TRAPPC9: variants seen among roughly 807,000 people sequenced by gnomAD.
TRAPPC9 encodes IKK2 binding protein.
Under a neutral mutation model 124.0 loss-of-function variants are expected in TRAPPC9, and 83 were observed. That is an observed-to-expected ratio of 0.67 (90% CI 0.56 to 0.80). The LOEUF is 0.80. Ranked by LOEUF, TRAPPC9 falls within the 30% of genes least tolerant of loss-of-function variation. The probability of loss-of-function intolerance (pLI) is 0.00; values close to 1 mark genes in which losing one functional copy is unlikely to be tolerated. For synonymous variants in TRAPPC9, 638 were observed against 617.5 expected, an observed-to-expected ratio of 1.03 and a Z score of -0.49; for missense variants, 1,302 against 1,508.3, an observed-to-expected ratio of 0.86 and a Z score of 2.27.
intron 17 of TRAPPC9, among the ~76,000 whole-genome samples, chr8:140,170,893 G>A (rs570093656): frequency 1.1e-4 from 16 of 152,288 alleles, no homozygotes; most frequent in South Asian, 4.1e-4. Context: ...CAAGAACCTC[G>A]GGCAGGTGAC....
At chr8:140,077,108 G>A (rs1171867540) in intron 17 of TRAPPC9, among the ~76,000 whole-genome samples, 2 of 152,146 alleles carry the variant, frequency 1.3e-5, no homozygotes, top group African/African-American at 4.8e-5. Context: ...AAAGGATACA[G>A]TGAGCCTAGA....
At chr8:139,844,107 G>A (rs566242522) in intron 21 of TRAPPC9, among the ~76,000 whole-genome samples, 7 of 152,188 alleles carry the variant, frequency 4.6e-5, no homozygotes, top group Non-Finnish European at 7.3e-5. Flanking sequence ...AGGCGAGCAG[G>A]TGACTATGCT....
intron 21 of TRAPPC9, among the ~76,000 whole-genome samples, chr8:139,783,775 A>G (rs116090735): frequency 0.022 from 3,305 of 152,338 alleles, 105 homozygotes; most frequent in African/African-American, 0.075. Context: ...AATCCAACAT[A>G]TATGAAAACA....
rs558078096 is a variant in TRAPPC9, at chr8:140,091,175, T to G, written c.2557-67096A>C. ...CATCTGAAGCCCCACGACTCGGAGGTGGCAGCCTGGCCCCATGCATGTCGC... is the reference window on the plus strand; with the variant it reads ...CATCTGAAGCCCCACGACTCGGAGGGGGCAGCCTGGCCCCATGCATGTCGC... On this transcript the variant is annotated intron_variant, in intron 17 of 22. Transcript: ENST00000438773. Among the ~76,000 whole-genome samples, 3 of 152,066 alleles carry G rather than the reference T, an allele frequency of 2.0e-5. No individual in the cohort carries two copies. In the East Asian group the frequency reaches 5.8e-4, roughly 29 times the overall value.
intron 4 of TRAPPC9, among the ~76,000 whole-genome samples, chr8:140,428,980 A>G (rs2132564545): frequency 6.6e-6 from 1 of 152,234 alleles, no homozygotes; most frequent in Non-Finnish European, 1.5e-5. Flanking sequence ...AGATGTATAC[A>G]TGGAACTGTA....
intron 15 of TRAPPC9, among the ~76,000 whole-genome samples, chr8:140,261,570 C>T (rs189977507): frequency 6.6e-6 from 1 of 152,332 alleles, no homozygotes; most frequent in Admixed American, 6.5e-5. Context: ...GTCCTAGTAG[C>T]TGGAAGTAAA....
intron 10 of TRAPPC9, among the ~76,000 whole-genome samples, chr8:140,303,462 A>T (rs1288368028): frequency 6.6e-6 from 1 of 152,202 alleles, no homozygotes; most frequent in African/African-American, 2.4e-5. Context: ...ACACTGTATC[A>T]TTTTTGCAGA....
At chr8:140,202,362 C>T (rs181831818) in intron 17 of TRAPPC9, among the ~76,000 whole-genome samples, 69 of 152,254 alleles carry the variant, frequency 4.5e-4, no homozygotes, top group Non-Finnish European at 8.1e-4. Flanking sequence ...AACCCAACTT[C>T]TCAACTTCTG....
rs1451364779 is a variant in TRAPPC9, at chr8:140,216,166, G to C, written c.2556+5293C>G. 6.6e-6 allele frequency: 1 copy of C among 152,186 alleles called. No individual in the cohort carries two copies. Among genetic ancestry groups the C allele is most frequent in the African/African-American group, 2.4e-5 (1 of 41,444 alleles). The allele number at this position is 152,186 out of a possible 1,614,324, so 9.4% of individuals were successfully genotyped here. A position where few individuals can be genotyped will look rare whatever the true frequency, so the allele number is the denominator to read the frequency against. On this transcript the variant is annotated intron_variant, in intron 17 of 22. Coordinates refer to ENST00000438773, the MANE Select transcript of TRAPPC9 (RefSeq NM_001160372.4). The surrounding 1 kb of genome is among the most constrained non-coding windows in gnomAD (Gnocchi z 4.1). ...TCAGTTTTCTCCTTAGAGGATAATA[G>C]CACCTACTCAAACAACTCTCAAGGG...
intron 21 of TRAPPC9, among the ~76,000 whole-genome samples, chr8:139,747,601 G>A (rs1264390950): frequency 3.8e-5 from 2 of 53,066 alleles, no homozygotes; most frequent in African/African-American, 9.0e-5. Context: ...GTCAGAGCAG[G>A]TGGGGAGGTG....
At chr8:140,158,925 T>G (rs1040128425) in intron 17 of TRAPPC9, among the ~76,000 whole-genome samples, 1 of 152,250 alleles carries the variant, frequency 6.6e-6, no homozygotes, top group African/African-American at 2.4e-5. Context: ...GTGACTTCCC[T>G]TAGATGCATG....
At chr8:139,994,095 T>C (rs1234079048) in intron 18 of TRAPPC9, among the ~76,000 whole-genome samples, 1 of 152,220 alleles carries the variant, frequency 6.6e-6, no homozygotes, top group East Asian at 1.9e-4. Context: ...TTTAGACTAA[T>C]GTGTTAGCCT....
At chr8:140,191,011 G>A (rs556110806) in intron 17 of TRAPPC9, among the ~76,000 whole-genome samples, 9 of 152,246 alleles carry the variant, frequency 5.9e-5, no homozygotes, top group African/African-American at 1.7e-4. Context: ...TCTCAAATGA[G>A]AAGAACGGGC....
chr8:140,022,379 A>G (rs1048648164), intron 18 of TRAPPC9, among the ~76,000 whole-genome samples: 1 of 152,216 alleles, frequency 6.6e-6, no homozygotes, highest in African/African-American at 2.4e-5. Context: ...AAAGGGAGCA[A>G]GGGCCACAGG....
chr8:140,124,983 A>C (rs1269063312), intron 17 of TRAPPC9, among the ~76,000 whole-genome samples: 1 of 152,272 alleles, frequency 6.6e-6, no homozygotes, highest in Non-Finnish European at 1.5e-5. Flanking sequence ...GTTCTTGATA[A>C]AAATTGCAGG....
chr8:140,030,126 G>C (rs746349374), intron 17 of TRAPPC9, among the ~76,000 whole-genome samples: 13 of 152,138 alleles, frequency 8.5e-5, no homozygotes, highest in Non-Finnish European at 1.5e-4. Context: ...ACTAGGCATA[G>C]AAAGGAACAT....
intron 21 of TRAPPC9, among the ~76,000 whole-genome samples, chr8:139,847,557 C>T (rs1043387439): frequency 2.0e-5 from 3 of 151,954 alleles, no homozygotes; most frequent in African/African-American, 7.3e-5. Flanking sequence ...GCACGAGCAC[C>T]TGTCCCCTGG....
chr8:140,403,365 G>T (rs2069348830), intron 6 of TRAPPC9, among the ~76,000 whole-genome samples: 1 of 151,950 alleles, frequency 6.6e-6, no homozygotes, highest in Non-Finnish European at 1.5e-5. Context: ...GGAGGCGGAG[G>T]TTGCAGTGAG....
At chr8:140,133,339 T>C (rs916565471) in intron 17 of TRAPPC9, among the ~76,000 whole-genome samples, 5 of 152,158 alleles carry the variant, frequency 3.3e-5, no homozygotes, top group African/African-American at 7.2e-5. Context: ...AGGAAAAATA[T>C]TGACAAAATT....
Sources: gnomAD v4.1 joint callset for allele counts (sites outside exome capture counted in the v4.1 genomes callset) on GRCh38, gnomAD v4.1.1 for gene constraint, Gnocchi (gnomAD v3.1) non-coding constraint, MANE v1.5 for transcripts, NCBI Gene and HGNC (gene_info 2026-07-23, HGNC 2026-07-21) for gene names.